The following ALK variants were observed in gnomAD, a reference collection of about 807,000 sequenced individuals.
The protein encoded by ALK is ALK tyrosine kinase receptor.
ALK carries 74 observed loss-of-function variants against 163.1 expected under a neutral mutation model. That is an observed-to-expected ratio of 0.45 (90% CI 0.38 to 0.55). ALK has a LOEUF of 0.55. Among genes scored for constraint, ALK ranks in the 20% least tolerant of loss-of-function variants. The pLI, the probability that ALK is intolerant of heterozygous loss-of-function variation, is 0.00. For missense variants in ALK, 2,063 were observed against 2,105.3 expected, an observed-to-expected ratio of 0.98 and a Z score of 0.39; for synonymous variants, 960 against 843.2, an observed-to-expected ratio of 1.14 and a Z score of -2.40.
chr2:29,802,995 A>C (rs1258251920), intron 1 of ALK, among the ~76,000 whole-genome samples: 1 of 152,222 alleles, frequency 6.6e-6, no homozygotes, highest in African/African-American at 2.4e-5. Flanking sequence ...TAAAAAAATA[A>C]CAGAACTTTT....
chr2:29,366,385 T>C (rs1274063984), intron 5 of ALK, among the ~76,000 whole-genome samples: 1 of 151,958 alleles, frequency 6.6e-6, no homozygotes, highest in Non-Finnish European at 1.5e-5. Context: ...CTGGACCGCT[T>C]TGGTAGTCAG....
Position 29,262,561 on chromosome 2 carries a change from A to T in ALK, c.2042-11294T>A, listed in dbSNP as rs571745914. 1.9e-4 allele frequency among the ~76,000 whole-genome samples: 29 copies of T among 152,280 alleles called. No homozygotes were observed. In the South Asian group the frequency reaches 5.8e-3, roughly 31 times the overall value. ...TTTACTAGAAATGCTCACACACATGATCTCATTTTTACTGTTACACTGTTG... is the reference window on the plus strand; with the variant it reads ...TTTACTAGAAATGCTCACACACATGTTCTCATTTTTACTGTTACACTGTTG... On this transcript the variant is annotated intron_variant, in intron 11 of 28. Coordinates refer to ENST00000389048, the MANE Select transcript of ALK (RefSeq NM_004304.5).
At chr2:29,206,578 C>G (rs560321526) in intron 26 of ALK, among the ~76,000 whole-genome samples, 11 of 152,164 alleles carry the variant, frequency 7.2e-5, no homozygotes, top group African/African-American at 2.7e-4. Flanking sequence ...GGCCTACACC[C>G]CTACTTTCAA....
At chr2:29,794,493 T>C (rs1336519070) in intron 1 of ALK, among the ~76,000 whole-genome samples, 3 of 152,184 alleles carry the variant, frequency 2.0e-5, no homozygotes, top group African/African-American at 4.8e-5. Flanking sequence ...GGCCTAGCTT[T>C]TGATCTGTCT....
chr2:29,252,674 A>T (rs1299328243), intron 11 of ALK, among the ~76,000 whole-genome samples: 1 of 152,080 alleles, frequency 6.6e-6, no homozygotes, highest in Non-Finnish European at 1.5e-5. Flanking sequence ...AGTCCTCAAC[A>T]CTTTTCTGGG....
chr2:29,460,136 G>C (rs560464799), intron 4 of ALK, among the ~76,000 whole-genome samples: 444 of 152,252 alleles, frequency 2.9e-3, no homozygotes, highest in Non-Finnish European at 4.8e-3. Flanking sequence ...GCAAGATGTG[G>C]GGGCTGAGCT....
chr2:29,618,740 G>A (rs541831119), intron 3 of ALK, among the ~76,000 whole-genome samples: 3 of 152,292 alleles, frequency 2.0e-5, no homozygotes, highest in East Asian at 3.9e-4. Flanking sequence ...TAGCACTTTG[G>A]GAGGCCAAGG....
At chr2:29,318,454 G>C (rs757784838) in intron 7 of ALK, 50 bp from the exon 8 acceptor site, 1 of 1,316,370 alleles carries the variant, frequency 7.6e-7, no homozygotes, top group Non-Finnish European at 1.1e-6. Context: ...GGAACTGGGG[G>C]ACCAGGGGTG....
intron 1 of ALK, among the ~76,000 whole-genome samples, chr2:29,810,443 G>T (rs1387816011): frequency 6.6e-6 from 1 of 151,598 alleles, no homozygotes; most frequent in African/African-American, 2.4e-5. Flanking sequence ...AAAAAAAAGG[G>T]ATAGTCATAC....
At chr2:29,894,369 G>A (rs956090198) in intron 1 of ALK, among the ~76,000 whole-genome samples, 5 of 152,022 alleles carry the variant, frequency 3.3e-5, no homozygotes, top group African/African-American at 1.2e-4. Flanking sequence ...GAGATACTTG[G>A]GCAAGGGACA....
chr2:29,499,834 T>C (rs1475338868), intron 4 of ALK, among the ~76,000 whole-genome samples: 1 of 152,114 alleles, frequency 6.6e-6, no homozygotes, highest in East Asian at 1.9e-4. Context: ...GACTCCAGCT[T>C]CAGCAGGCCC....
At chr2:29,753,991 C>G (rs1680444920) in intron 1 of ALK, among the ~76,000 whole-genome samples, 1 of 152,050 alleles carries the variant, frequency 6.6e-6, no homozygotes, top group Non-Finnish European at 1.5e-5. Flanking sequence ...AGATTTGCTC[C>G]CTCTCCCACC....
intron 4 of ALK, among the ~76,000 whole-genome samples, chr2:29,515,225 G>A (rs1180467308): frequency 1.3e-5 from 2 of 152,172 alleles, no homozygotes; most frequent in Non-Finnish European, 2.9e-5. Context: ...CTGAGCCCCT[G>A]GCCTAGCTCA....
chr2:29,194,738 G>A (rs548240659), intron 28 of ALK, among the ~76,000 whole-genome samples: 31 of 147,942 alleles, frequency 2.1e-4, no homozygotes, highest in African/African-American at 7.8e-4. Flanking sequence ...GGCTGGTGTC[G>A]AACTCCTGAC....
At chr2:29,523,671 G>C (rs928202498) in intron 4 of ALK, among the ~76,000 whole-genome samples, 3 of 151,982 alleles carry the variant, frequency 2.0e-5, no homozygotes, top group African/African-American at 7.3e-5. Flanking sequence ...TTATCATTAT[G>C]GGATTGGCCA....
At chr2:29,401,981 G>T (rs1333133889) in intron 4 of ALK, among the ~76,000 whole-genome samples, 2 of 152,218 alleles carry the variant, frequency 1.3e-5, no homozygotes, top group Non-Finnish European at 2.9e-5. Flanking sequence ...TCAGGGTATT[G>T]TTTCTGGGAG....
chr2:29,906,454 A>G lies in ALK; in HGVS notation c.667+13539T>C, dbSNP rs184139348. ...AGGGATAGGAGAGAAAGAGGAGGAG[A>G]ATGAAAAGAAGGAGGAGACAAAGAA... On this transcript the variant is annotated intron_variant, in intron 1 of 28. Coordinates refer to ENST00000389048, the MANE Select transcript of ALK (RefSeq NM_004304.5). 1.9e-3 allele frequency among the ~76,000 whole-genome samples: 287 copies of G among 152,284 alleles called. 1 individual carries two copies. The highest frequency in any genetic ancestry group is 2.9e-3 in the Non-Finnish European group (198 of 68,022).
At chr2:29,280,034 C>T (rs913351385) in intron 9 of ALK, among the ~76,000 whole-genome samples, 2 of 151,734 alleles carry the variant, frequency 1.3e-5, no homozygotes, top group Non-Finnish European at 2.9e-5. Flanking sequence ...ACCAGGTAGA[C>T]CTGACACTTA....
chr2:29,200,397 A>G (rs1573088484), intron 26 of ALK, among the ~76,000 whole-genome samples: 2 of 152,198 alleles, frequency 1.3e-5, no homozygotes, highest in Non-Finnish European at 2.9e-5. Context: ...AGTATTGGTC[A>G]TAGAACTTTG....
Sources: gnomAD v4.1 joint callset for allele counts (sites outside exome capture counted in the v4.1 genomes callset) on GRCh38, gnomAD v4.1.1 for gene constraint, MANE v1.5 for transcripts, NCBI Gene and HGNC (gene_info 2026-07-23, HGNC 2026-07-21) for gene names.